The following ZRANB2 variants were observed in gnomAD, a reference collection of about 807,000 sequenced individuals.
ZRANB2 encodes the protein zinc finger Ran-binding domain-containing protein 2.
In ZRANB2, 19 loss-of-function variants were observed where a neutral mutation model predicts 53.4. That is an observed-to-expected ratio of 0.36 (90% CI 0.25 to 0.52). The LOEUF (loss-of-function observed/expected upper bound fraction) is 0.52, where lower values mean the gene tolerates loss of function less well. ZRANB2 is among the 20% of genes least tolerant of loss of function. The probability of loss-of-function intolerance (pLI) is 0.93; values close to 1 mark genes in which losing one functional copy is unlikely to be tolerated. For missense variants in ZRANB2, 309 were observed against 401.1 expected (o/e 0.77, Z 1.96); for synonymous variants, 145 against 134.8 (o/e 1.08, Z -0.52).
At position 71,063,346 on chromosome 1, in the gene ZRANB2, C is replaced by T. The variant is rs1179124062; in HGVS notation, c.*1728G>A. On this transcript the variant is annotated 3_prime_UTR_variant, in exon 10 of 10. Coordinates refer to ENST00000370920, the MANE Select transcript of ZRANB2 (RefSeq NM_203350.3). ...AACAAACACCACTTGATGCTTGACT[C>T]ACAGGCTTTATTTACATTTGTCTAC... 3 of 152,424 alleles carry T rather than the reference C, an allele frequency of 2.0e-5. No individual in the cohort carries two copies. The highest frequency in any genetic ancestry group is 4.4e-5 in the Non-Finnish European group (3 of 67,928). The allele number at this position is 152,424 out of a possible 1,614,324, so 9.4% of individuals were successfully genotyped here.
intron 5 of ZRANB2, 52 bp from the exon 6 acceptor site, chr1:71,072,307 A>C (rs1206215683): frequency 6.6e-7 from 1 of 1,518,362 alleles, no homozygotes; most frequent in Non-Finnish European, 8.9e-7. Flanking sequence ...CATTAAACTT[A>C]ATACATTTTC....
rs767993954 is a variant in ZRANB2 at position 71,081,029 on chromosome 1, T to C, written c.-34A>G. 3.7e-6 allele frequency: 6 copies of C among 1,614,006 alleles called. No homozygotes were observed. The highest frequency in any genetic ancestry group is 3.3e-5 in the South Asian group (3 of 91,084). ...CCACCAGCACAGCCACCCGCAGCTA[T>C]GTCTTCACAGGAGGAAAACGGGCCG... On this transcript the variant is annotated 5_prime_UTR_variant, in exon 1 of 10. Transcript: ENST00000370920.
chr1:71,072,782 C>G (rs1661622574), intron 4 of ZRANB2, among the ~76,000 whole-genome samples: 4 of 152,102 alleles, frequency 2.6e-5, no homozygotes, highest in African/African-American at 9.7e-5. Context: ...AATTGCCCTA[C>G]ATGACTTATT....
chr1:71,071,813 T>C (rs1311204748), intron 6 of ZRANB2, among the ~76,000 whole-genome samples: 1 of 152,148 alleles, frequency 6.6e-6, no homozygotes, highest in Non-Finnish European at 1.5e-5. Flanking sequence ...AAACCAAAGT[T>C]GCTTTTAAAC....
chr1:71,080,656 G>C (rs986331563), intron 1 of ZRANB2, among the ~76,000 whole-genome samples: 23 of 143,662 alleles, frequency 1.6e-4, no homozygotes, highest in Non-Finnish European at 3.0e-4. Flanking sequence ...GGGCGGGGGA[G>C]GGGGGTGGGG....
Position 71,063,439 on chromosome 1 carries a change from A to C in ZRANB2, c.*1635T>G, listed in dbSNP as rs1349862016. ...ACCAAATGAAATCATAATCATCAGA[A>C]TTGTCTGTAAACTACTATTAGCTAA... On this transcript the variant is annotated 3_prime_UTR_variant, in exon 10 of 10. Coordinates refer to ENST00000370920, the MANE Select transcript of ZRANB2 (RefSeq NM_203350.3). 5.9e-5 allele frequency: 9 copies of C among 152,444 alleles called. No individual in the cohort carries two copies. The highest frequency in any genetic ancestry group is 3.9e-4 in the Admixed American group (6 of 15,244). 9.4% of individuals were successfully genotyped at this position (152,444 alleles called of 1,614,324 possible). A position where few individuals can be genotyped will look rare whatever the true frequency, so the allele number is the denominator to read the frequency against.
intron 8 of ZRANB2, chr1:71,067,779 A>G: frequency 5.3e-6 from 2 of 378,496 alleles, no homozygotes; most frequent in Middle Eastern, 4.0e-4. Context: ...AATGGTTCCC[A>G]AAGGGAATAC....
In ZRANB2 at chr1:71,065,000, G is replaced by A. The variant is rs548299127; in HGVS notation, c.*74C>T. Reference sequence around the variant, plus strand: ...TAGCAGATTTAGCACTTCTGACCAAGTAAGACACCAACTTCTTTAAAAATA... The same window carrying A: ...TAGCAGATTTAGCACTTCTGACCAAATAAGACACCAACTTCTTTAAAAATA... On this transcript the variant is annotated 3_prime_UTR_variant, in exon 10 of 10. Coordinates refer to ENST00000370920, the MANE Select transcript of ZRANB2 (RefSeq NM_203350.3). 9.0e-7 allele frequency: 1 copy of A among 1,114,690 alleles called. No individual in the cohort carries two copies. The highest frequency in any genetic ancestry group is 1.6e-5 in the African/African-American group (1 of 63,874). The allele number at this position is 1,114,690 out of a possible 1,614,324, so 69.0% of individuals were successfully genotyped here. A position where few individuals can be genotyped will look rare whatever the true frequency, so the allele number is the denominator to read the frequency against.
At chr1:71,080,248 C>T (rs1557796181) in intron 1 of ZRANB2, among the ~76,000 whole-genome samples, 2 of 152,150 alleles carry the variant, frequency 1.3e-5, no homozygotes, top group African/African-American at 4.8e-5. Flanking sequence ...CGAGTACTGG[C>T]TTTGGCAACA....
chr1:71,072,039 G>C, intron 6 of ZRANB2, 82 bp downstream of exon 6: 1 of 1,515,428 alleles, frequency 6.6e-7, no homozygotes, highest in South Asian at 1.3e-5. Context: ...TTTTCACCAA[G>C]TGTCTGAGGC....
intron 4 of ZRANB2, among the ~76,000 whole-genome samples, chr1:71,074,809 G>A (rs1661671854): frequency 6.6e-6 from 1 of 152,046 alleles, no homozygotes; most frequent in African/African-American, 2.4e-5. Flanking sequence ...TTCATATCCT[G>A]TCTCATGCTT....
intron 4 of ZRANB2, among the ~76,000 whole-genome samples, chr1:71,073,738 G>C (rs925844378): frequency 6.6e-6 from 1 of 151,984 alleles, no homozygotes; most frequent in African/African-American, 2.4e-5. Context: ...AAATTAGAAA[G>C]TGAACTATAA....
chr1:71,075,888 A>C (rs532278491), intron 4 of ZRANB2, among the ~76,000 whole-genome samples: 38 of 147,572 alleles, frequency 2.6e-4, no homozygotes, highest in African/African-American at 9.3e-4. Flanking sequence ...ACATATGAGA[A>C]TGTAAGTTTT....
At chr1:71,071,920 G>A (rs1661603090) in intron 6 of ZRANB2, among the ~76,000 whole-genome samples, 2 of 152,140 alleles carry the variant, frequency 1.3e-5, no homozygotes, top group South Asian at 4.1e-4. Context: ...AACTGGTTCT[G>A]TTTCGGTCAC....
rs949400499 is a variant in ZRANB2 at position 71,073,993 on chromosome 1, C to T, written c.302-1445G>A. Among the ~76,000 whole-genome samples, 3 of 152,108 alleles carry T rather than the reference C, an allele frequency of 2.0e-5. No individual in the cohort carries two copies. In the East Asian group the frequency reaches 5.8e-4, roughly 29 times the overall value. On this transcript the variant is annotated intron_variant, in intron 4 of 9. Transcript: ENST00000370920. The stretch of plus-strand genomic sequence containing the variant: ...TGATATGTATGTTTCCGTCATTCTA[C>T]TAATTTCAAGCACTTCAGATAATGC...
At chr1:71,079,543 A>G (rs1342078802) in intron 1 of ZRANB2, among the ~76,000 whole-genome samples, 1 of 152,238 alleles carries the variant, frequency 6.6e-6, no homozygotes, top group Non-Finnish European at 1.5e-5. Context: ...GAAACACTCT[A>G]AATAATATTT....
intron 3 of ZRANB2, among the ~76,000 whole-genome samples, chr1:71,077,734 T>TACA (rs1361698875): frequency 2.0e-5 from 3 of 152,172 alleles, no homozygotes; most frequent in African/African-American, 7.2e-5. Flanking sequence ...CATGGGCCTG[T>TACA]GGTCCCAGTT....
chr1:71,074,837 C>T (rs1005398428), intron 4 of ZRANB2, among the ~76,000 whole-genome samples: 1 of 152,074 alleles, frequency 6.6e-6, no homozygotes, highest in Non-Finnish European at 1.5e-5. Flanking sequence ...GCTCCCCAAA[C>T]CCTGCACTGC....
intron 7 of ZRANB2, 72 bp downstream of exon 7, chr1:71,070,755 A>C (rs1197959499): frequency 1.0e-6 from 1 of 984,258 alleles, no homozygotes; most frequent in African/African-American, 1.6e-5. Flanking sequence ...GTCAAGAAAA[A>C]CAAAATTTAT....
Sources: allele counts gnomAD v4.1 joint callset (sites outside exome capture counted in the v4.1 genomes callset), GRCh38; gene constraint gnomAD v4.1.1; transcripts MANE v1.5; gene names NCBI Gene and HGNC (gene_info 2026-07-23, HGNC 2026-07-21).